TTC7B: variants seen among roughly 807,000 people sequenced by gnomAD.
TTC7B encodes the protein tetratricopeptide repeat protein 7B.
Under a neutral mutation model 106.8 loss-of-function variants are expected in TTC7B, and 28 were observed. The ratio of observed to expected loss-of-function variants is 0.26; its 90% CI spans 0.19 to 0.36. TTC7B has a LOEUF of 0.36. Among genes scored for constraint, TTC7B ranks in the 10% least tolerant of loss-of-function variants. The pLI is 1.00. For missense variants in TTC7B, 862 were observed against 1,076.4 expected (o/e 0.80, Z 2.79); for synonymous variants, 405 against 430.6 (o/e 0.94, Z 0.74).
intron 5 of TTC7B, among the ~76,000 whole-genome samples, chr14:90,716,988 A>C (rs1367344566): frequency 6.6e-6 from 1 of 152,194 alleles, no homozygotes; most frequent in Non-Finnish European, 1.5e-5. Flanking sequence ...ATTCACAAAT[A>C]AAAAGTAAAA....
intron 16 of TTC7B, among the ~76,000 whole-genome samples, chr14:90,614,871 T>C (rs752293303): frequency 2.0e-5 from 3 of 152,218 alleles, no homozygotes; most frequent in Non-Finnish European, 4.4e-5. Flanking sequence ...GCTGGGACCT[T>C]CTGGTGAGAT....
At chr14:90,601,192 T>TA (rs1448438783) in intron 17 of TTC7B, among the ~76,000 whole-genome samples, 2 of 152,212 alleles carry the variant, frequency 1.3e-5, no homozygotes, top group Non-Finnish European at 2.9e-5. Flanking sequence ...AGCTGAATTT[T>TA]AAAAATCACC....
intron 3 of TTC7B, among the ~76,000 whole-genome samples, chr14:90,764,797 AAGAC>A (rs1890619475): frequency 6.6e-6 from 1 of 152,214 alleles, no homozygotes; most frequent in Non-Finnish European, 1.5e-5. Flanking sequence ...TATAATCAAA[AAGAC>A]AGATAACAAC....
chr14:90,656,005 G>A (rs967104117), intron 11 of TTC7B, among the ~76,000 whole-genome samples: 14 of 152,130 alleles, frequency 9.2e-5, no homozygotes, highest in Non-Finnish European at 1.8e-4. Flanking sequence ...CCACTCCTCC[G>A]CCTGCCCACT....
intron 3 of TTC7B, 34 bp from the exon 4 acceptor site, chr14:90,744,956 A>AT: frequency 3.7e-6 from 6 of 1,609,098 alleles, no homozygotes; most frequent in Non-Finnish European, 5.1e-6. Flanking sequence ...AACTGAGTGA[A>AT]TTTTTTTTCA....
intron 1 of TTC7B, among the ~76,000 whole-genome samples, chr14:90,801,126 G>A (rs2030238006): frequency 6.6e-6 from 1 of 150,808 alleles, no homozygotes; most frequent in Non-Finnish European, 1.5e-5. Flanking sequence ...AGGGGAGGCT[G>A]AGGCAAGAGG....
At chr14:90,803,178 A>T (rs1001070136) in intron 1 of TTC7B, among the ~76,000 whole-genome samples, 1 of 151,762 alleles carries the variant, frequency 6.6e-6, no homozygotes, top group African/African-American at 2.4e-5. Flanking sequence ...ACCCCATGTA[A>T]GCCATACCAG....
chr14:90,740,494 C>CTTTTTTTTT (rs71461924), intron 4 of TTC7B, among the ~76,000 whole-genome samples: 11 of 78,318 alleles, frequency 1.4e-4, no homozygotes, highest in Non-Finnish European at 2.3e-4. Flanking sequence ...AATTCTTTGA[C>CTTTTTTTTT]TTTTTTTTTT....
intron 17 of TTC7B, among the ~76,000 whole-genome samples, chr14:90,594,339 AG>A (rs1892112443): frequency 6.6e-6 from 1 of 152,198 alleles, no homozygotes; most frequent in East Asian, 1.9e-4. Flanking sequence ...GGCTAAGGAG[AG>A]GGGTCAACCA....
At chr14:90,774,866 C>T (rs974470413) in intron 3 of TTC7B, among the ~76,000 whole-genome samples, 8 of 152,148 alleles carry the variant, frequency 5.3e-5, no homozygotes, top group Non-Finnish European at 7.3e-5. Context: ...ATGGTGAAAC[C>T]CTGTCTCTAC....
chr14:90,662,255 G>GA (rs1400931170), intron 9 of TTC7B, among the ~76,000 whole-genome samples: 1 of 152,214 alleles, frequency 6.6e-6, no homozygotes, highest in Non-Finnish European at 1.5e-5. Flanking sequence ...GGGAGGCAGG[G>GA]AAGGGGCCTC....
At chr14:90,674,094 T>A (rs986156733) in intron 9 of TTC7B, among the ~76,000 whole-genome samples, 3 of 152,026 alleles carry the variant, frequency 2.0e-5, no homozygotes, top group African/African-American at 7.3e-5. Context: ...TGAATTGTAC[T>A]TCAATTAAAA....
Position 90,776,780 on chromosome 14 carries a change from G to T in TTC7B, c.445+3958C>A, listed in dbSNP as rs117674118. On this transcript the variant is annotated intron_variant, in intron 3 of 19. Transcript: ENST00000328459. ...CTGAGACCCCATTCTGCCACTCAGA[G>T]GAGAGAACAAGGGCCCTAGAGCCAG... Among the ~76,000 whole-genome samples the T allele has an allele frequency of 8.2e-4, 125 of 152,298 alleles. No homozygotes were observed. The East Asian group carries it at 0.016, about 19-fold the overall frequency.
At chr14:90,623,176 C>T (rs1040089043) in intron 15 of TTC7B, among the ~76,000 whole-genome samples, 1 of 152,146 alleles carries the variant, frequency 6.6e-6, no homozygotes, top group East Asian at 1.9e-4. Flanking sequence ...CACGAGAGCT[C>T]ACAACTGTGA....
At chr14:90,775,351 AT>A (rs1890993148) in intron 3 of TTC7B, among the ~76,000 whole-genome samples, 1 of 152,150 alleles carries the variant, frequency 6.6e-6, no homozygotes, top group Non-Finnish European at 1.5e-5. Flanking sequence ...GGTAGATATT[AT>A]TATTATCTCC....
intron 17 of TTC7B, among the ~76,000 whole-genome samples, chr14:90,595,969 G>C (rs56838673): frequency 0.025 from 3,882 of 152,256 alleles, 173 homozygotes; most frequent in African/African-American, 0.087. Context: ...GGGGAACAGA[G>C]TTCCAGGAAG....
At chr14:90,666,521 A>T (rs1595262266) in intron 9 of TTC7B, among the ~76,000 whole-genome samples, 1 of 152,212 alleles carries the variant, frequency 6.6e-6, no homozygotes, top group East Asian at 1.9e-4. Flanking sequence ...GTCTATCTAC[A>T]GGAGCCTGGG....
chr14:90,781,030 T>C (rs1891204928), intron 2 of TTC7B, 124 bp from the exon 3 acceptor site: 2 of 830,992 alleles, frequency 2.4e-6, no homozygotes, highest in African/African-American at 3.4e-5. Flanking sequence ...TGGACGTGAA[T>C]GTTCTGAGCA....
chr14:90,593,683 C>T, intron 17 of TTC7B, 57 bp from the exon 18 acceptor site: 1 of 1,487,546 alleles, frequency 6.7e-7, no homozygotes, highest in Non-Finnish European at 9.0e-7. Context: ...CCCAACCAAT[C>T]AACCCCTTCC....
Sources: allele counts gnomAD v4.1 joint callset (sites outside exome capture counted in the v4.1 genomes callset), GRCh38; gene constraint gnomAD v4.1.1; transcripts MANE v1.5; gene names NCBI Gene and HGNC (gene_info 2026-07-23, HGNC 2026-07-21).